Variants in PSG3 observed in about 807,000 individuals in gnomAD.
The protein encoded by PSG3 is pregnancy specific beta-1-glycoprotein 3, also known as pregnancy-specific beta-1-glycoprotein 3.
Under a neutral mutation model 47.5 loss-of-function variants are expected in PSG3, and 61 were observed. The ratio of observed to expected loss-of-function variants is 1.28; its 90% CI spans 1.05 to 1.59. The LOEUF is 1.59. Ranked by LOEUF, PSG3 falls within the 40% of genes most tolerant of loss-of-function variation. PSG3 has a pLI of 0.00. For missense variants in PSG3, 756 were observed against 524.0 expected, an observed-to-expected ratio of 1.44 and a Z score of -4.32; for synonymous variants, 263 against 198.4, an observed-to-expected ratio of 1.33 and a Z score of -2.74.
At chr19:42,725,823 C>A (rs555349537) in intron 5 of PSG3, among the ~76,000 whole-genome samples, 32 of 147,628 alleles carry the variant, frequency 2.2e-4, no homozygotes, top group African/African-American at 4.8e-4. Flanking sequence ...ATAATCACAC[C>A]ACTGTATTCC....
intron 6 of PSG3, among the ~76,000 whole-genome samples, chr19:42,722,543 C>T (rs1430721481): frequency 2.0e-5 from 3 of 152,126 alleles, no homozygotes; most frequent in Non-Finnish European, 2.9e-5. Flanking sequence ...CGTGAGCCAT[C>T]GCACCCAGCC....
At position 42,734,929 on chromosome 19, in the gene PSG3, T is replaced by A. The variant is rs553311101; in HGVS notation, c.431-1867A>T. Among the ~76,000 whole-genome samples, 6 of 152,352 alleles carry A rather than the reference T, an allele frequency of 3.9e-5. No individual in the cohort carries two copies. In the East Asian group the frequency reaches 1.2e-3, roughly 29 times the overall value. On this transcript the variant is annotated intron_variant, in intron 2 of 6. Coordinates refer to ENST00000327495, the MANE Select transcript of PSG3 (RefSeq NM_021016.4). ...TTCTCTTAAGCTCAGGAAACACCAC[T>A]AGTGTTTAAGTTTGTGTGAATTAGA...
Position 42,738,716 on chromosome 19 carries a change from T to A in PSG3, c.430+8A>T. Reference sequence around the variant, plus strand: ...CCCAACACCCAGTGATCACGTGGAGTCACTCACGGTATAAGGTGAAGGTGA... The same window carrying A: ...CCCAACACCCAGTGATCACGTGGAGACACTCACGGTATAAGGTGAAGGTGA... On this transcript the variant is annotated splice_region_variant and intron_variant, in intron 2 of 6. Coordinates refer to ENST00000327495, the MANE Select transcript of PSG3 (RefSeq NM_021016.4). 6.2e-7 allele frequency: 1 copy of A among 1,613,226 alleles called. No homozygotes were observed. The highest frequency in any genetic ancestry group is 8.5e-7 in the Non-Finnish European group (1 of 1,179,556).
At chr19:42,726,491 A>C (rs1283500829) in intron 5 of PSG3, among the ~76,000 whole-genome samples, 1 of 152,218 alleles carries the variant, frequency 6.6e-6, no homozygotes, top group Non-Finnish European at 1.5e-5. Context: ...CAATACACTA[A>C]CCATGAACAA....
intron 2 of PSG3, among the ~76,000 whole-genome samples, chr19:42,736,465 C>G (rs1211051199): frequency 6.6e-6 from 1 of 152,128 alleles, no homozygotes; most frequent in African/African-American, 2.4e-5. Flanking sequence ...TTTTTTAGTC[C>G]TGTGCCCCTG....
chr19:42,737,221 G>A (rs1176016364), intron 2 of PSG3, among the ~76,000 whole-genome samples: 36 of 152,138 alleles, frequency 2.4e-4, no homozygotes, highest in Admixed American at 2.4e-3. Context: ...AGAGGTAGTG[G>A]GGGGATGAAA....
intron 3 of PSG3, chr19:42,731,829 A>C (rs1351571737): frequency 6.6e-6 from 1 of 151,288 alleles, no homozygotes; most frequent in African/African-American, 2.5e-5. Context: ...TCAGGGTATA[A>C]TCATTTGACT....
intron 2 of PSG3, among the ~76,000 whole-genome samples, chr19:42,735,437 T>G (rs992662236): frequency 2.0e-5 from 3 of 151,996 alleles, no homozygotes; most frequent in Non-Finnish European, 2.9e-5. Context: ...CATGATCTCA[T>G]CTCACTGCAA....
chr19:42,730,227 A>G (rs1380561111), intron 3 of PSG3, among the ~76,000 whole-genome samples, 171 bp from the exon 4 acceptor site: 1 of 152,152 alleles, frequency 6.6e-6, no homozygotes, highest in Non-Finnish European at 1.5e-5. Flanking sequence ...GGGCTCAAAG[A>G]CTGTGAGGCC....
intron 2 of PSG3, among the ~76,000 whole-genome samples, chr19:42,735,407 C>G (rs1969546688): frequency 6.6e-6 from 1 of 151,976 alleles, no homozygotes; most frequent in Admixed American, 6.6e-5. Flanking sequence ...CGCTCTGTCA[C>G]CTAGGCTGGA....
chr19:42,724,151 T>C, intron 5 of PSG3, 126 bp from the exon 6 acceptor site: 2 of 1,413,786 alleles, frequency 1.4e-6, no homozygotes, highest in South Asian at 2.7e-5. Context: ...TTATTTCTGT[T>C]GGAAAATTGA....
At chr19:42,737,941 G>A (rs1481654879) in intron 2 of PSG3, among the ~76,000 whole-genome samples, 1 of 152,240 alleles carries the variant, frequency 6.6e-6, no homozygotes, top group East Asian at 1.9e-4. Context: ...CACACAAACA[G>A]CATTTATTAT....
intron 1 of PSG3, among the ~76,000 whole-genome samples, chr19:42,740,043 C>T (rs1969644538): frequency 6.6e-6 from 1 of 151,904 alleles, no homozygotes; most frequent in African/African-American, 2.4e-5. Flanking sequence ...ATTTCTTCCT[C>T]CCGGGTTCAC....
In PSG3 at chr19:42,721,813, A is replaced by G. The variant is rs1338209392; in HGVS notation, c.*318T>C. The G allele has an allele frequency of 9.7e-6, 4 of 410,416 alleles. No individual in the cohort carries two copies. In the Admixed American group the frequency reaches 1.8e-4, roughly 18 times the overall value. The allele number at this position is 410,416 out of a possible 1,614,324, so 25.4% of individuals were successfully genotyped here. On this transcript the variant is annotated 3_prime_UTR_variant, in exon 7 of 7. Coordinates refer to ENST00000327495, the MANE Select transcript of PSG3 (RefSeq NM_021016.4). ...CATAAATCTGGAGAATAAAACATTCAAAGAATCAGCACATTTTCAAATAGA... is the reference window on the plus strand; with the variant it reads ...CATAAATCTGGAGAATAAAACATTCGAAGAATCAGCACATTTTCAAATAGA...
In PSG3 at chr19:42,729,216, T is replaced by G. The variant is rs1363926114; in HGVS notation, c.1150A>C (p.Ile384Leu). The change falls in exon 5 of 7, where the codon ATT (isoleucine) becomes CTT (leucine). Residue 384 changes from isoleucine to leucine, a missense_variant. Transcript: ENST00000327495. The part of the protein sequence containing the change: ...LSGQKLFIPQ[I>L]TTKHSGLYAC... ...TAGAGCCCGCTATGCTTTGTAGTAA[T>G]CTGGGGGATAAAGAGCTTTTGTCCT... 1 of 1,613,856 alleles carries G rather than the reference T, an allele frequency of 6.2e-7. No individual in the cohort carries two copies. Among genetic ancestry groups the G allele is most frequent in the Non-Finnish European group, 8.5e-7 (1 of 1,179,884 alleles).
intron 5 of PSG3, among the ~76,000 whole-genome samples, chr19:42,724,538 C>T (rs986929117): frequency 1.2e-4 from 18 of 152,210 alleles, no homozygotes; most frequent in Admixed American, 1.2e-3. Context: ...CTCTCTTTAA[C>T]TCTAATGGGT....
chr19:42,729,279 C>A lies in PSG3; in HGVS notation c.1087G>T (p.Glu363Ter). The change falls in exon 5 of 7, where the codon GAA (glutamate) becomes TAA (stop). Residue 363 changes from glutamate (E) to a stop codon, truncating the protein, a stop_gained. Transcript: ENST00000327495. LOFTEE classifies it high-confidence loss of function. ...SCFADSNPPA[E>*]YSWTINGKFQ... ...TTCCCATTAATTGTCCAAGAATATTCTGCTGGTGGGTTAGAGTCCGCGAAG... is the reference window on the plus strand; with the variant it reads ...TTCCCATTAATTGTCCAAGAATATTATGCTGGTGGGTTAGAGTCCGCGAAG... The A allele has an allele frequency of 6.2e-7, 1 of 1,614,106 alleles. No individual in the cohort carries two copies.
At chr19:42,733,119 G>C in intron 2 of PSG3, 57 bp from the exon 3 acceptor site, 2 of 1,572,792 alleles carry the variant, frequency 1.3e-6, no homozygotes, top group Non-Finnish European at 1.7e-6. Flanking sequence ...TCCTCCAAAG[G>C]CATTTTTCAA....
chr19:42,730,512 T>A (rs1052098654), intron 3 of PSG3, among the ~76,000 whole-genome samples: 2 of 152,206 alleles, frequency 1.3e-5, no homozygotes, highest in African/African-American at 2.4e-5. Context: ...TAATGGGACT[T>A]CCCATGGCCC....
Sources: allele counts gnomAD v4.1 joint callset (sites outside exome capture counted in the v4.1 genomes callset), GRCh38; gene constraint gnomAD v4.1.1; transcripts MANE v1.5; gene names NCBI Gene and HGNC (gene_info 2026-07-23, HGNC 2026-07-21).